SNX1: variants seen among roughly 807,000 people sequenced by gnomAD.
SNX1 encodes the protein sorting nexin 1, also known as sorting nexin-1.
In SNX1, 36 loss-of-function variants were observed where a neutral mutation model predicts 71.8. That is an observed-to-expected ratio of 0.50 (90% CI 0.38 to 0.66). SNX1 has a LOEUF of 0.66. SNX1 is among the 30% of genes least tolerant of loss of function. The pLI is 0.00. For missense variants in SNX1, 612 were observed against 646.7 expected, an observed-to-expected ratio of 0.95 and a Z score of 0.58; for synonymous variants, 254 against 240.7, an observed-to-expected ratio of 1.06 and a Z score of -0.51.
At chr15:64,107,631 C>T (rs1309473410) in intron 1 of SNX1, among the ~76,000 whole-genome samples, 1 of 151,848 alleles carries the variant, frequency 6.6e-6, no homozygotes, top group African/African-American at 2.4e-5. Context: ...TAATTATAAA[C>T]AGAAACAGTT....
rs1180449303 is a variant in SNX1 at position 64,138,493 on chromosome 15, T to TGTGTGAAG, written c.*886_*893dup. On this transcript the variant is annotated 3_prime_UTR_variant, in exon 15 of 15. Transcript: ENST00000559844. ...CCATCAAAACACATCCTCAGTAGAC[T>TGTGTGAAG]GTGTGAAGGTGTGAAGGTCTGATAA... The TGTGTGAAG allele has an allele frequency of 3.7e-6, 1 of 271,704 alleles. No homozygotes were observed. The highest frequency in any genetic ancestry group is 7.3e-5 in the East Asian group (1 of 13,776). 16.8% of individuals were successfully genotyped at this position (271,704 alleles called of 1,614,324 possible).
chr15:64,103,294 GGCTGT>G (rs1200148261), intron 1 of SNX1, among the ~76,000 whole-genome samples: 5 of 152,248 alleles, frequency 3.3e-5, no homozygotes, highest in Admixed American at 3.3e-4. Context: ...TTTCCATAAT[GGCTGT>G]GCTACTTCAC....
At chr15:64,137,017 C>T (rs377383023) in intron 14 of SNX1, 85 bp downstream of exon 14, 3 of 1,069,114 alleles carry the variant, frequency 2.8e-6, no homozygotes, top group Non-Finnish European at 1.4e-6. Context: ...ACAAGATGTG[C>T]AGGCCCTGCT....
intron 1 of SNX1, among the ~76,000 whole-genome samples, chr15:64,105,110 C>T (rs1298755057): frequency 1.3e-5 from 2 of 150,662 alleles, no homozygotes; most frequent in East Asian, 3.9e-4. Context: ...TGGTGCGTGC[C>T]TGTAATCCCA....
At chr15:64,099,228 C>A (rs1198706057) in intron 1 of SNX1, among the ~76,000 whole-genome samples, 2 of 152,188 alleles carry the variant, frequency 1.3e-5, no homozygotes, top group Non-Finnish European at 2.9e-5. Context: ...TAATTACTCT[C>A]TACAGTTTCC....
Position 64,129,212 on chromosome 15 carries a change from A to G in SNX1, c.808-704A>G, listed in dbSNP as rs1386165434. Among the ~76,000 whole-genome samples, 2 of 151,198 alleles carry G rather than the reference A, an allele frequency of 1.3e-5. No individual in the cohort carries two copies. Among genetic ancestry groups the G allele is most frequent in the African/African-American group, 4.9e-5 (2 of 41,040 alleles). On this transcript the variant is annotated intron_variant, in intron 8 of 14. Coordinates refer to ENST00000559844, the MANE Select transcript of SNX1 (RefSeq NM_003099.5). The surrounding 1 kb of genome is among the most constrained non-coding windows in gnomAD (Gnocchi z 4.4). ...CCGTGAGCTGAGATCGTGCCACTGC[A>G]CTCCAGCCTGGGCGACAAGAGCAAG...
intron 1 of SNX1, among the ~76,000 whole-genome samples, chr15:64,108,898 G>A (rs1368172525): frequency 1.3e-5 from 2 of 151,390 alleles, no homozygotes; most frequent in Admixed American, 1.3e-4. Flanking sequence ...TGAGGAAGGA[G>A]AATTGCTTGA....
intron 1 of SNX1, among the ~76,000 whole-genome samples, chr15:64,101,213 G>A (rs571387830): frequency 6.6e-6 from 1 of 152,198 alleles, no homozygotes; most frequent in South Asian, 2.1e-4. Flanking sequence ...ACATTGTTGT[G>A]TAACAGAGAT....
chr15:64,127,484 G>T (rs1264737072), intron 7 of SNX1, among the ~76,000 whole-genome samples: 1 of 151,814 alleles, frequency 6.6e-6, no homozygotes, highest in Non-Finnish European at 1.5e-5. Flanking sequence ...CATATTCTTA[G>T]ACAATCAATC....
In SNX1 at chr15:64,130,248, G is replaced by T. The variant is rs2081292904; in HGVS notation, c.942G>T (p.Gln314His). The T allele has an allele frequency of 5.0e-6, 8 of 1,614,154 alleles. No homozygotes were observed. The East Asian group carries it at 1.8e-4, about 36-fold the overall frequency. Residue 314 changes from glutamine to histidine, a missense_variant, in exon 10 of 15, where the codon CAG becomes CAT. Around this residue, in one of 2 missense-constraint regions of SNX1, gnomAD observed 296 missense variants for 361.9 expected, o/e 0.82. Coordinates refer to ENST00000559844, the MANE Select transcript of SNX1 (RefSeq NM_003099.5). ...TTCAGTGGTTTGAGGAGAAGCTCCA[G>T]GAGGTAGAGTGTGAGGAGCAGCGCT... ...ESDIWFEEKL[Q>H]EVECEEQRLR...
intron 1 of SNX1, among the ~76,000 whole-genome samples, chr15:64,106,234 T>G (rs1441071199): frequency 6.6e-6 from 1 of 152,138 alleles, no homozygotes; most frequent in African/African-American, 2.4e-5. Flanking sequence ...AAAATGAAAT[T>G]ATAATAATTT....
At chr15:64,131,913 C>T in intron 11 of SNX1, 21 bp downstream of exon 11, 1 of 1,609,036 alleles carries the variant, frequency 6.2e-7, no homozygotes, top group African/African-American at 1.3e-5. Context: ...GTTTCCTTTT[C>T]TCCTCCTTCC....
chr15:64,121,577 A>G (rs1037280997), intron 4 of SNX1, among the ~76,000 whole-genome samples: 1 of 152,238 alleles, frequency 6.6e-6, no homozygotes, highest in Admixed American at 6.5e-5. Flanking sequence ...ACTCAGTTAC[A>G]TCGGTAAAGA....
At chr15:64,133,293 C>G in intron 11 of SNX1, among the ~76,000 whole-genome samples, 1 of 152,224 alleles carries the variant, frequency 6.6e-6, no homozygotes. Context: ...AAGAGGTTGC[C>G]CTTTACCTAA....
Position 64,137,944 on chromosome 15 carries a change from C to A in SNX1, c.*326C>A. On this transcript the variant is annotated 3_prime_UTR_variant, in exon 15 of 15. Coordinates refer to ENST00000559844, the MANE Select transcript of SNX1 (RefSeq NM_003099.5). ...GATGTGGTTTAGGAACTGGGAATAACGTTTTCTGTTACTCCTGATGGTGCC... is the reference window on the plus strand; with the variant it reads ...GATGTGGTTTAGGAACTGGGAATAAAGTTTTCTGTTACTCCTGATGGTGCC... 1 of 1,418,058 alleles carries A rather than the reference C, an allele frequency of 7.1e-7. No individual in the cohort carries two copies. Among genetic ancestry groups the A allele is most frequent in the South Asian group, 1.6e-5 (1 of 61,616 alleles). The allele number at this position is 1,418,058 out of a possible 1,614,324, so 87.8% of individuals were successfully genotyped here. A position where few individuals can be genotyped will look rare whatever the true frequency, so the allele number is the denominator to read the frequency against.
At chr15:64,131,572 C>G (rs2081307237) in intron 10 of SNX1, 115 bp from the exon 11 acceptor site, 2 of 918,724 alleles carry the variant, frequency 2.2e-6, no homozygotes, top group Non-Finnish European at 1.7e-6. Flanking sequence ...GCAGAGCCCT[C>G]AGTTCCCAGA....
At chr15:64,124,526 T>C (rs74866426) in intron 5 of SNX1, among the ~76,000 whole-genome samples, 4 of 143,268 alleles carry the variant, frequency 2.8e-5, no homozygotes, top group African/African-American at 1.1e-4. Flanking sequence ...AAAAAAAAAA[T>C]AGTATCATGC....
chr15:64,136,344 G>T lies in SNX1; in HGVS notation c.1380G>T (p.Val460=). 1 of 1,613,888 alleles carries T rather than the reference G, an allele frequency of 6.2e-7. No homozygotes were observed. Among genetic ancestry groups the T allele is most frequent in the South Asian group, 1.1e-5 (1 of 91,052 alleles). ...KDEILEWESR[V]TQYERDFERI... is the part of the protein sequence containing the mutation. Reference sequence around the variant, plus strand: ...TTTCTTCCCAGTGGGAGTCTCGGGTGACTCAATATGAAAGGGACTTCGAGA... The same window carrying T: ...TTTCTTCCCAGTGGGAGTCTCGGGTTACTCAATATGAAAGGGACTTCGAGA... Residue 460 remains valine (V), a synonymous_variant, in exon 13 of 15, where the codon GTG becomes GTT. Transcript: ENST00000559844.
Position 64,131,879 on chromosome 15 carries a change from T to G in SNX1, c.1208T>G (p.Leu403Arg). ...AELLSDYIRL[L>R]AIVRAAFDQR... ...CTCCTGAGTGACTACATTCGCCTCC[T>G]GGCCATAGTCCGCGTAAGCTTCTGT... Residue 403 changes from leucine (L) to arginine (R), a missense_variant, in exon 11 of 15, where the codon CTG becomes CGG. Physicochemically the swap from Leu to Arg is moderately radical, Grantham distance 102. Around this residue, in one of 2 missense-constraint regions of SNX1, gnomAD observed 296 missense variants for 361.9 expected, o/e 0.82. Transcript: ENST00000559844. 6.2e-7 allele frequency: 1 copy of G among 1,614,220 alleles called. No homozygotes were observed. The highest frequency in any genetic ancestry group is 8.5e-7 in the Non-Finnish European group (1 of 1,180,012).
Sources: allele counts gnomAD v4.1 joint callset (sites outside exome capture counted in the v4.1 genomes callset), GRCh38; gene constraint gnomAD v4.1.1; regional missense constraint gnomAD v4.1.1; non-coding constraint Gnocchi (gnomAD v3.1); transcripts MANE v1.5; gene names NCBI Gene and HGNC (gene_info 2026-07-23, HGNC 2026-07-21).